Variants in DNM3 observed in about 807,000 individuals in gnomAD.
DNM3 encodes the protein dynamin-3.
A neutral mutation model predicts 101.6 loss-of-function variants in DNM3; 47 were observed. The observed-to-expected ratio is 0.46, with a 90% CI of 0.37 to 0.59. The LOEUF (loss-of-function observed/expected upper bound fraction) is 0.59, where lower values mean the gene tolerates loss of function less well. Among genes scored for constraint, DNM3 ranks in the 20% least tolerant of loss-of-function variants. The pLI is 0.00. For synonymous variants in DNM3, 385 were observed against 387.9 expected (o/e 0.99, Z 0.09); for missense variants, 849 against 1,085.7 (o/e 0.78, Z 3.06).
At chr1:172,144,631 T>C (rs1315101220) in intron 14 of DNM3, 1 of 533,274 alleles carries the variant, frequency 1.9e-6, no homozygotes, top group Non-Finnish European at 3.9e-6. Context: ...GAGCAGGATC[T>C]CCAGAAGCTT....
intron 16 of DNM3, among the ~76,000 whole-genome samples, chr1:172,316,411 A>T (rs2065357479): frequency 6.6e-6 from 1 of 152,206 alleles, no homozygotes; most frequent in Non-Finnish European, 1.5e-5. Flanking sequence ...ATGTAAAAGG[A>T]CTAAATATCC....
chr1:172,337,438 GA>G (rs1180239998), intron 17 of DNM3, among the ~76,000 whole-genome samples: 4 of 152,166 alleles, frequency 2.6e-5, no homozygotes, highest in Non-Finnish European at 5.9e-5. Flanking sequence ...AAGAAGAGAA[GA>G]AGATTCCATT....
chr1:172,163,652 C>G (rs918023710), intron 14 of DNM3, among the ~76,000 whole-genome samples: 1 of 151,992 alleles, frequency 6.6e-6, no homozygotes, highest in Admixed American at 6.6e-5. Flanking sequence ...CCACCACCCC[C>G]AGGCCTCTGG....
intron 14 of DNM3, among the ~76,000 whole-genome samples, chr1:172,171,331 T>C (rs928759759): frequency 1.3e-5 from 2 of 151,818 alleles, no homozygotes; most frequent in African/African-American, 4.8e-5. Flanking sequence ...ATTATGATCA[T>C]GTTATTGAAT....
Position 172,412,668 on chromosome 1 carries a change from A to T in DNM3, c.*4827A>T, listed in dbSNP as rs1348923223. ...GAAGGTCACATGTACCTATTGTGAA[A>T]ATGTGAAGCTGTATTTCTGAAGCTG... is the stretch of plus-strand genomic sequence containing the variant. On this transcript the variant is annotated 3_prime_UTR_variant, in exon 21 of 21. Transcript: ENST00000627582. The T allele has an allele frequency of 4.1e-6, 4 of 985,576 alleles. No homozygotes were observed. The highest frequency in any genetic ancestry group is 4.8e-6 in the Non-Finnish European group (4 of 829,778). The allele number at this position is 985,576 out of a possible 1,614,324, so 61.1% of individuals were successfully genotyped here. A position where few individuals can be genotyped will look rare whatever the true frequency, so the allele number is the denominator to read the frequency against.
intron 10 of DNM3, among the ~76,000 whole-genome samples, chr1:172,052,522 TTCC>T (rs973310836): frequency 6.6e-6 from 1 of 152,196 alleles, no homozygotes; most frequent in Non-Finnish European, 1.5e-5. Flanking sequence ...CTCCAGTTAA[TTCC>T]TCAACTGAAA....
At chr1:171,934,544 G>A (rs1167221343) in intron 2 of DNM3, among the ~76,000 whole-genome samples, 3 of 152,136 alleles carry the variant, frequency 2.0e-5, no homozygotes, top group Middle Eastern at 3.2e-3. Context: ...AAAGCCCAGG[G>A]ATGCATTTTA....
chr1:172,326,415 A>G (rs1403670656), intron 17 of DNM3, among the ~76,000 whole-genome samples: 2 of 152,308 alleles, frequency 1.3e-5, no homozygotes, highest in Non-Finnish European at 2.9e-5. Context: ...AATCCAGGAC[A>G]CCCTGAGTCA....
chr1:172,078,878 A>T (rs1027167253), intron 11 of DNM3, among the ~76,000 whole-genome samples: 3 of 152,192 alleles, frequency 2.0e-5, no homozygotes, highest in African/African-American at 7.2e-5. Flanking sequence ...TCCTTCACTT[A>T]TGAAGCTTAG....
chr1:172,230,433 T>A (rs479336), intron 14 of DNM3, among the ~76,000 whole-genome samples: 9 of 152,042 alleles, frequency 5.9e-5, no homozygotes, highest in African/African-American at 2.2e-4. Context: ...TTTGCATATT[T>A]TTGTAGGGGA....
At chr1:171,892,567 A>G (rs1398206310) in intron 1 of DNM3, among the ~76,000 whole-genome samples, 1 of 152,204 alleles carries the variant, frequency 6.6e-6, no homozygotes, top group Non-Finnish European at 1.5e-5. Flanking sequence ...TTGCTTACCT[A>G]TAACTTCCCA....
At position 172,215,138 on chromosome 1, in the gene DNM3, CTG is replaced by C. The variant is rs1258024380; in HGVS notation, c.1660-38433_1660-38432del. Among the ~76,000 whole-genome samples the C allele has an allele frequency of 5.3e-5, 8 of 152,178 alleles. No homozygotes were observed. The East Asian group carries it at 5.8e-4, about 11-fold the overall frequency. On this transcript the variant is annotated intron_variant, in intron 14 of 20. Coordinates refer to ENST00000627582, the MANE Select transcript of DNM3 (RefSeq NM_015569.5). ...TGGAACATTTTAGTATTGGTTCTGA[CTG>C]TAATAATCCTGGCCAATATGTGTAG... is the stretch of plus-strand genomic sequence containing the variant.
At chr1:171,976,942 T>C (rs6425522) in intron 2 of DNM3, among the ~76,000 whole-genome samples, 123,225 of 152,022 alleles carry the variant, frequency 0.81, 49,956 homozygotes, top group Middle Eastern at 0.87. Context: ...TCTTAGACTT[T>C]CTATTGTATT....
intron 14 of DNM3, chr1:172,138,926 C>G: frequency 2.1e-6 from 1 of 472,796 alleles, no homozygotes; most frequent in Non-Finnish European, 4.4e-6. Flanking sequence ...CTTCAGGTTT[C>G]CTTTGCTCAT....
chr1:172,407,535 T>C (rs949052312), intron 20 of DNM3, among the ~76,000 whole-genome samples: 1 of 151,996 alleles, frequency 6.6e-6, no homozygotes, highest in Non-Finnish European at 1.5e-5. Flanking sequence ...CTTATTAGTA[T>C]TGGAAGGAAT....
intron 5 of DNM3, 35 bp downstream of exon 5, chr1:172,032,535 T>C (rs1158293332): frequency 2.7e-6 from 2 of 754,214 alleles, no homozygotes; most frequent in Non-Finnish European, 3.5e-6. Flanking sequence ...ACTTTTTTTT[T>C]TTTTTTTTTT....
chr1:171,872,562 A>T (rs550528659), intron 1 of DNM3, among the ~76,000 whole-genome samples: 2 of 152,300 alleles, frequency 1.3e-5, no homozygotes, highest in African/African-American at 4.8e-5. Context: ...AGCATTTCCT[A>T]GGAAAGTGAA....
chr1:171,878,024 A>C, intron 1 of DNM3, among the ~76,000 whole-genome samples: 1 of 152,218 alleles, frequency 6.6e-6, no homozygotes, highest in Non-Finnish European at 1.5e-5. Context: ...CAGCACAGTC[A>C]TTGTGGCCTA....
intron 13 of DNM3, among the ~76,000 whole-genome samples, chr1:172,114,731 T>C (rs2055762152): frequency 6.6e-6 from 1 of 152,138 alleles, no homozygotes; most frequent in Admixed American, 6.5e-5. Flanking sequence ...GATGGGAAGA[T>C]TGAGGCTCCG....
Sources: allele counts gnomAD v4.1 joint callset (sites outside exome capture counted in the v4.1 genomes callset), GRCh38; gene constraint gnomAD v4.1.1; transcripts MANE v1.5; gene names NCBI Gene and HGNC (gene_info 2026-07-23, HGNC 2026-07-21).